The following ZMYM2 variants were observed in gnomAD, a reference collection of about 807,000 sequenced individuals.
ZMYM2 encodes the protein zinc finger MYM-type protein 2.
A neutral mutation model predicts 162.8 loss-of-function variants in ZMYM2; 56 were observed. The observed-to-expected ratio is 0.34, with a 90% CI of 0.28 to 0.43. ZMYM2 has a LOEUF of 0.43. ZMYM2 is among the 20% of genes least tolerant of loss of function. The pLI, the probability that ZMYM2 is intolerant of heterozygous loss-of-function variation, is 1.00. For missense variants in ZMYM2, 1,275 were observed against 1,621.8 expected (o/e 0.79, Z 3.67); for synonymous variants, 510 against 541.6 (o/e 0.94, Z 0.81).
chr13:20,021,021 G>T (rs1242024074), intron 7 of ZMYM2, among the ~76,000 whole-genome samples: 1 of 151,352 alleles, frequency 6.6e-6, no homozygotes, highest in Non-Finnish European at 1.5e-5. Flanking sequence ...TGTCACCCAG[G>T]CTGGAGTGCA....
the ZMYM2 span, among the ~76,000 whole-genome samples, chr13:19,940,909 T>A: frequency 6.6e-6 from 1 of 152,158 alleles, no homozygotes; most frequent in Non-Finnish European, 1.5e-5. Flanking sequence ...CAAAGGTAAA[T>A]AACACATTAT....
chr13:20,002,672 T>G (rs1249076840), intron 3 of ZMYM2, among the ~76,000 whole-genome samples, 178 bp from the exon 4 acceptor site: 1 of 152,174 alleles, frequency 6.6e-6, no homozygotes, highest in Non-Finnish European at 1.5e-5. Context: ...ATGTAGTGCA[T>G]TGTTACCGTG....
intron 2 of ZMYM2, among the ~76,000 whole-genome samples, chr13:19,990,632 A>G (rs1185165777): frequency 1.3e-5 from 2 of 152,146 alleles, no homozygotes; most frequent in African/African-American, 2.4e-5. Context: ...AGAAAATGCT[A>G]CAAGACGTAC....
the ZMYM2 span, among the ~76,000 whole-genome samples, chr13:19,937,881 A>G: frequency 6.1e-5 from 9 of 147,312 alleles, no homozygotes; most frequent in Admixed American, 6.4e-4. Context: ...GAGTGAGAAC[A>G]TGTGGTGTTT....
At chr13:20,048,485 A>G (rs1955022662) in intron 12 of ZMYM2, among the ~76,000 whole-genome samples, 1 of 152,008 alleles carries the variant, frequency 6.6e-6, no homozygotes. Context: ...TGTATTGAGA[A>G]GTCATAAAGG....
the ZMYM2 span, among the ~76,000 whole-genome samples, chr13:19,894,171 A>G: frequency 6.6e-6 from 1 of 151,944 alleles, no homozygotes; most frequent in Non-Finnish European, 1.5e-5. Flanking sequence ...TAAACCCATC[A>G]TAAGATAAAA....
chr13:19,884,717 A>C, the ZMYM2 span, among the ~76,000 whole-genome samples: 1 of 152,154 alleles, frequency 6.6e-6, no homozygotes, highest in Non-Finnish European at 1.5e-5. Context: ...TTCCTGGTCC[A>C]GAAAAAAAGA....
chr13:19,945,930 C>T, the ZMYM2 span, among the ~76,000 whole-genome samples: 1 of 76,388 alleles, frequency 1.3e-5, no homozygotes, highest in African/African-American at 5.6e-5. Context: ...GCCTGGGCAA[C>T]AAGAGAGAAA....
At chr13:19,922,515 T>C in the ZMYM2 span, among the ~76,000 whole-genome samples, 1 of 152,276 alleles carries the variant, frequency 6.6e-6, no homozygotes, top group African/African-American at 2.4e-5. Context: ...AGAGCTCTTT[T>C]CTCAATCACT....
chr13:20,009,446 A>G (rs754350998), intron 6 of ZMYM2, among the ~76,000 whole-genome samples: 6 of 152,200 alleles, frequency 3.9e-5, no homozygotes, highest in African/African-American at 1.4e-4. Flanking sequence ...AGTTTTAAGT[A>G]TTTTTAAGTA....
At chr13:19,969,414 ACTTGATT>A (rs1248008619) in intron 2 of ZMYM2, among the ~76,000 whole-genome samples, 2 of 152,336 alleles carry the variant, frequency 1.3e-5, no homozygotes, top group East Asian at 3.9e-4. Context: ...TAGGAGATTT[ACTTGATT>A]GTACAGAGTA....
intron 3 of ZMYM2, among the ~76,000 whole-genome samples, chr13:20,001,665 T>A (rs539277446): frequency 6.6e-6 from 1 of 152,304 alleles, no homozygotes; most frequent in East Asian, 1.9e-4. Context: ...GGTAAACTGC[T>A]GTCATACAGC....
At chr13:20,017,209 T>C (rs946887190) in intron 6 of ZMYM2, among the ~76,000 whole-genome samples, 1 of 152,220 alleles carries the variant, frequency 6.6e-6, no homozygotes, top group African/African-American at 2.4e-5. Flanking sequence ...GACTTTACCA[T>C]GGCTAGGGTG....
At chr13:19,979,531 CT>C (rs1219376850) in intron 2 of ZMYM2, among the ~76,000 whole-genome samples, 1 of 150,670 alleles carries the variant, frequency 6.6e-6, no homozygotes, top group Non-Finnish European at 1.5e-5. Context: ...CAAAAATTTC[CT>C]TAAATGTCTG....
chr13:19,985,246 C>A (rs1343177685), intron 2 of ZMYM2, among the ~76,000 whole-genome samples: 1 of 152,094 alleles, frequency 6.6e-6, no homozygotes, highest in Non-Finnish European at 1.5e-5. Flanking sequence ...ACCTCAGCCC[C>A]CGAAGTAGCT....
Position 20,052,266 on chromosome 13 carries a change from G to A in ZMYM2, c.2459-11G>A. The A allele has an allele frequency of 6.5e-7, 1 of 1,550,256 alleles. No individual in the cohort carries two copies. The highest frequency in any genetic ancestry group is 8.7e-7 in the Non-Finnish European group (1 of 1,146,086). On this transcript the variant is annotated splice_polypyrimidine_tract_variant and intron_variant, in intron 13 of 24. Coordinates refer to ENST00000610343, the MANE Select transcript of ZMYM2 (RefSeq NM_197968.4). ...TATTTGTCTTATTTTAAATTTTTTT[G>A]TGTTTTTTAGATCAGGGTTGTCAGA...
At chr13:20,079,161 A>G (rs1402056774) in intron 21 of ZMYM2, among the ~76,000 whole-genome samples, 2 of 151,758 alleles carry the variant, frequency 1.3e-5, no homozygotes, top group African/African-American at 4.8e-5. Context: ...TCTACTAAAA[A>G]TACAAAAATT....
intron 24 of ZMYM2, among the ~76,000 whole-genome samples, chr13:20,084,356 G>A (rs1219442285): frequency 6.6e-6 from 1 of 152,144 alleles, no homozygotes; most frequent in South Asian, 2.1e-4. Context: ...CAAAGCAAGG[G>A]ACACAAACTT....
the ZMYM2 span, among the ~76,000 whole-genome samples, chr13:19,943,087 G>A: frequency 1.3e-5 from 2 of 152,130 alleles, no homozygotes; most frequent in Non-Finnish European, 2.9e-5. Flanking sequence ...AGAGGTGAAC[G>A]GCTTCCTGCT....
Sources: gnomAD v4.1 joint callset for allele counts (sites outside exome capture counted in the v4.1 genomes callset) on GRCh38, gnomAD v4.1.1 for gene constraint, MANE v1.5 for transcripts, NCBI Gene and HGNC (gene_info 2026-07-23, HGNC 2026-07-21) for gene names.